Variants in GOLM2 observed in about 807,000 individuals in gnomAD.
GOLM2 encodes golgi membrane protein 2, also known as protein GOLM2.
GOLM2 carries 26 observed loss-of-function variants against 55.9 expected under a neutral mutation model. The ratio of observed to expected loss-of-function variants is 0.47; its 90% confidence interval spans 0.34 to 0.65. GOLM2 has a LOEUF of 0.65. Among genes scored for constraint, GOLM2 ranks in the 30% least tolerant of loss-of-function variants. GOLM2 has a pLI of 0.01. For synonymous variants in GOLM2, 165 were observed against 194.6 expected, an observed-to-expected ratio of 0.85 and a Z score of 1.27; for missense variants, 486 against 531.8, an observed-to-expected ratio of 0.91 and a Z score of 0.85.
At chr15:44,298,144 C>T (rs1351809922) in intron 1 of GOLM2, among the ~76,000 whole-genome samples, 1 of 151,924 alleles carries the variant, frequency 6.6e-6, no homozygotes, top group Non-Finnish European at 1.5e-5. Context: ...GCTGGGATTA[C>T]AGGCATGAGC....
chr15:44,370,445 C>T (rs2079322405), intron 6 of GOLM2, among the ~76,000 whole-genome samples: 1 of 152,028 alleles, frequency 6.6e-6, no homozygotes, highest in Non-Finnish European at 1.5e-5. Flanking sequence ...CTCCTATAGT[C>T]CCAACTACTC....
At chr15:44,337,548 G>C (rs571581813) in intron 4 of GOLM2, among the ~76,000 whole-genome samples, 18 of 152,114 alleles carry the variant, frequency 1.2e-4, no homozygotes, top group Admixed American at 2.6e-4. Flanking sequence ...TTCATTTACT[G>C]TAGCTAGAGA....
In GOLM2 at chr15:44,359,589, A is replaced by AAAAC. The variant is rs201500531; in HGVS notation, c.803-20078_803-20075dup. On this transcript the variant is annotated intron_variant, in intron 6 of 9. Transcript: ENST00000299957. Reference sequence around the variant, plus strand: ...GGCAACAGAGCGAGACTCCGTCTCAAAAACAAACAAACAAACAAACAAACA... The same window carrying AAAAC: ...GGCAACAGAGCGAGACTCCGTCTCAAAAACAAACAAACAAACAAACAAACAAACA... Among the ~76,000 whole-genome samples, 258 of 152,276 alleles carry AAAAC rather than the reference A, an allele frequency of 1.7e-3. 1 individual carries two copies. Among genetic ancestry groups the AAAAC allele is most frequent in the African/African-American group, 4.5e-3 (187 of 41,540 alleles).
At chr15:44,338,196 A>G (rs1312842474) in intron 5 of GOLM2, 41 bp from the exon 6 acceptor site, 2 of 1,562,282 alleles carry the variant, frequency 1.3e-6, no homozygotes, top group Middle Eastern at 1.7e-4. Context: ...CAAATTATGT[A>G]AGAAAAACGA....
In GOLM2 at chr15:44,414,701, A is replaced by G. The variant is rs753979284; in HGVS notation, c.*1295A>G. The G allele has an allele frequency of 1.6e-4, 25 of 152,554 alleles. No individual in the cohort carries two copies. Among genetic ancestry groups the G allele is most frequent in the Non-Finnish European group, 3.1e-4 (21 of 68,028 alleles). 9.5% of individuals were successfully genotyped at this position (152,554 alleles called of 1,614,324 possible). ...CAGGTTTTTATTAATGCACAGATAA[A>G]TAGAAGTACAGTGAGGTCTATAGCC... is the stretch of plus-strand genomic sequence containing the variant. On this transcript the variant is annotated 3_prime_UTR_variant, in exon 10 of 10. Coordinates refer to ENST00000299957, the MANE Select transcript of GOLM2 (RefSeq NM_138423.4).
At chr15:44,342,873 G>T (rs951317034) in intron 6 of GOLM2, among the ~76,000 whole-genome samples, 2 of 152,158 alleles carry the variant, frequency 1.3e-5, no homozygotes, top group Non-Finnish European at 2.9e-5. Flanking sequence ...GAGTCAAATT[G>T]CCTAGATTCA....
intron 2 of GOLM2, among the ~76,000 whole-genome samples, chr15:44,327,934 A>T (rs558258273): frequency 6.6e-6 from 1 of 152,372 alleles, no homozygotes; most frequent in Admixed American, 6.5e-5. Flanking sequence ...CCATAGCCGA[A>T]CTAGAAATGT....
chr15:44,317,048 A>G (rs188917966), intron 1 of GOLM2, among the ~76,000 whole-genome samples: 97 of 152,300 alleles, frequency 6.4e-4, no homozygotes, highest in South Asian at 3.5e-3. Flanking sequence ...CCAATGTATA[A>G]GAATATGAAA....
Position 44,350,627 on chromosome 15 carries a change from C to T in GOLM2, c.802+12310C>T, listed in dbSNP as rs755805193. Among the ~76,000 whole-genome samples, 73 of 152,108 alleles carry T rather than the reference C, an allele frequency of 4.8e-4. 1 individual carries two copies. Among genetic ancestry groups the T allele is most frequent in the Admixed American group, 2.6e-3 (40 of 15,276 alleles). ...ATACTTCCAAACTCATTCTAGGAGA[C>T]GAGTAATAGCCTGATACCAACACCA... On this transcript the variant is annotated intron_variant, in intron 6 of 9. Coordinates refer to ENST00000299957, the MANE Select transcript of GOLM2 (RefSeq NM_138423.4).
At chr15:44,292,385 A>T (rs1349717032) in intron 1 of GOLM2, among the ~76,000 whole-genome samples, 2 of 151,668 alleles carry the variant, frequency 1.3e-5, no homozygotes, top group African/African-American at 4.8e-5. Context: ...TTTAGTAGAG[A>T]TGGGGTTTCA....
intron 8 of GOLM2, among the ~76,000 whole-genome samples, chr15:44,388,684 A>G (rs1014019699): frequency 2.6e-5 from 4 of 152,176 alleles, no homozygotes; most frequent in African/African-American, 4.8e-5. Context: ...AAAAGAAAAA[A>G]AGAGAGAGGG....
At chr15:44,360,584 A>G (rs1166255697) in intron 6 of GOLM2, among the ~76,000 whole-genome samples, 4 of 152,168 alleles carry the variant, frequency 2.6e-5, no homozygotes, top group Non-Finnish European at 1.5e-5. Context: ...AGAGACTTAG[A>G]CTCCCACACA....
At chr15:44,391,448 T>C (rs143908563) in intron 8 of GOLM2, among the ~76,000 whole-genome samples, 14,438 of 146,360 alleles carry the variant, frequency 0.099, 1,453 homozygotes, top group African/African-American at 0.25. Context: ...ACCCGGGAGG[T>C]GGAGGTTGCA....
intron 1 of GOLM2, among the ~76,000 whole-genome samples, chr15:44,292,941 A>G (rs752690442): frequency 4.6e-5 from 7 of 152,112 alleles, no homozygotes; most frequent in Admixed American, 1.3e-4. Context: ...CGGCCTCCCA[A>G]GTAGCTGGGA....
chr15:44,391,750 A>T (rs2079491617), intron 8 of GOLM2, among the ~76,000 whole-genome samples: 1 of 152,200 alleles, frequency 6.6e-6, no homozygotes, highest in African/African-American at 2.4e-5. Flanking sequence ...ACAGAAAAAG[A>T]TAGGGAAAAT....
intron 1 of GOLM2, among the ~76,000 whole-genome samples, chr15:44,311,102 G>A (rs760514483): frequency 5.3e-5 from 8 of 152,066 alleles, no homozygotes; most frequent in Non-Finnish European, 1.2e-4. Flanking sequence ...TATGACTAAA[G>A]AATATGGATA....
At chr15:44,380,701 T>C (rs2079395627) in intron 7 of GOLM2, 105 bp from the exon 8 acceptor site, 5 of 816,972 alleles carry the variant, frequency 6.1e-6, no homozygotes, top group Non-Finnish European at 3.4e-6. Context: ...CTACCCAATG[T>C]TAAACAATAG....
chr15:44,293,941 A>T (rs894743045), intron 1 of GOLM2, among the ~76,000 whole-genome samples: 9 of 152,182 alleles, frequency 5.9e-5, no homozygotes, highest in African/African-American at 1.7e-4. Context: ...CTCATTTATT[A>T]ACTTAATAAT....
chr15:44,327,066 T>C lies in GOLM2; in HGVS notation c.383-1619T>C, dbSNP rs1211966190. Among the ~76,000 whole-genome samples the C allele has an allele frequency of 4.0e-5, 6 of 151,674 alleles. No individual in the cohort carries two copies. In the East Asian group the frequency reaches 1.2e-3, roughly 30 times the overall value. ...TCTGAGTTCAAGTGATTCTCTTGCCTCAGCCTCCCAAGTAGCTGGGATTAC... is the reference window on the plus strand; with the variant it reads ...TCTGAGTTCAAGTGATTCTCTTGCCCCAGCCTCCCAAGTAGCTGGGATTAC... On this transcript the variant is annotated intron_variant, in intron 2 of 9. Coordinates refer to ENST00000299957, the MANE Select transcript of GOLM2 (RefSeq NM_138423.4).
Sources: gnomAD v4.1 joint callset for allele counts (sites outside exome capture counted in the v4.1 genomes callset) on GRCh38, gnomAD v4.1.1 for gene constraint, MANE v1.5 for transcripts, NCBI Gene and HGNC (gene_info 2026-07-23, HGNC 2026-07-21) for gene names.